PCCA: variants seen among roughly 807,000 people sequenced by gnomAD.
PCCA encodes propionyl-CoA carboxylase alpha chain, mitochondrial.
In PCCA, 74 loss-of-function variants were observed where a neutral mutation model predicts 101.3. The ratio of observed to expected loss-of-function variants is 0.73; its 90% CI spans 0.61 to 0.89. The LOEUF (loss-of-function observed/expected upper bound fraction) is 0.89, where lower values mean the gene tolerates loss of function less well. Ranked by LOEUF, PCCA falls within the 40% of genes least tolerant of loss-of-function variation. The pLI is 0.00. For synonymous variants in PCCA, 294 were observed against 313.6 expected, an observed-to-expected ratio of 0.94 and a Z score of 0.66; for missense variants, 891 against 907.0, an observed-to-expected ratio of 0.98 and a Z score of 0.23.
chr13:100,374,881 A>T lies in PCCA; in HGVS notation c.1746+6307A>T, dbSNP rs1254288013. Among the ~76,000 whole-genome samples, 3 of 152,180 alleles carry T rather than the reference A, an allele frequency of 2.0e-5. No individual in the cohort carries two copies. In the East Asian group the frequency reaches 5.8e-4, roughly 29 times the overall value. On this transcript the variant is annotated intron_variant, in intron 19 of 23. Transcript: ENST00000376285. ...CTCTGTCTCCTTCAGTTCGGCTCTG[A>T]TCTTAGTTATTTCTTGTCTTCTGCT...
At chr13:100,426,797 CATATT>C (rs1399594018) in intron 20 of PCCA, among the ~76,000 whole-genome samples, 2 of 151,720 alleles carry the variant, frequency 1.3e-5, no homozygotes, top group African/African-American at 4.8e-5. Context: ...TAACTTAACT[CATATT>C]ATATAACTTT....
chr13:100,491,042 T>C (rs1367808543), intron 21 of PCCA: 1 of 152,266 alleles, frequency 6.6e-6, no homozygotes, highest in African/African-American at 2.4e-5. Context: ...TTTGCATTTG[T>C]AAAAAGTTCC....
intron 4 of PCCA, among the ~76,000 whole-genome samples, chr13:100,132,439 C>G (rs1594271077): frequency 6.6e-6 from 1 of 152,106 alleles, no homozygotes; most frequent in East Asian, 1.9e-4. Flanking sequence ...TGGCTACTTT[C>G]ACTCAGAATA....
intron 20 of PCCA, among the ~76,000 whole-genome samples, chr13:100,436,128 C>T (rs1283297206): frequency 1.3e-5 from 2 of 152,014 alleles, no homozygotes; most frequent in South Asian, 2.1e-4. Flanking sequence ...GGCTCAAGGG[C>T]CCGGATACCG....
rs1467386312 is a variant in PCCA at position 100,126,159 on chromosome 13, C to G, written c.300+14098C>G. On this transcript the variant is annotated intron_variant, in intron 4 of 23. Coordinates refer to ENST00000376285, the MANE Select transcript of PCCA (RefSeq NM_000282.4). ...TAAAAAACACAATCATTGCCAAATT[C>G]AATATGTATATGAGCTGAATTCAGC... Among the ~76,000 whole-genome samples the G allele has an allele frequency of 2.6e-5, 4 of 152,256 alleles. No individual in the cohort carries two copies. In the East Asian group the frequency reaches 5.8e-4, roughly 22 times the overall value.
At chr13:100,427,534 T>A (rs2152896758) in intron 20 of PCCA, among the ~76,000 whole-genome samples, 1 of 151,904 alleles carries the variant, frequency 6.6e-6, no homozygotes, top group East Asian at 1.9e-4. Context: ...AGTGTAGGGA[T>A]CATGTTCGGT....
At chr13:100,441,996 T>C (rs537699800) in intron 20 of PCCA, among the ~76,000 whole-genome samples, 56 of 138,392 alleles carry the variant, frequency 4.0e-4, no homozygotes, top group Non-Finnish European at 4.9e-4. Context: ...TTTCTTTTTT[T>C]TTTTTTTTTA....
At chr13:100,433,832 A>G (rs1235712147) in intron 20 of PCCA, among the ~76,000 whole-genome samples, 3 of 152,218 alleles carry the variant, frequency 2.0e-5, no homozygotes, top group African/African-American at 7.2e-5. Context: ...CACTCCTATA[A>G]CAAAAGACAG....
chr13:100,229,620 G>A (rs1043374174), intron 7 of PCCA, among the ~76,000 whole-genome samples: 4 of 151,994 alleles, frequency 2.6e-5, no homozygotes, highest in Non-Finnish European at 5.9e-5. Context: ...CTCCTCTGCC[G>A]TTGCCTCTTT....
chr13:100,435,419 A>T (rs899133822), intron 20 of PCCA, among the ~76,000 whole-genome samples: 1 of 152,208 alleles, frequency 6.6e-6, no homozygotes, highest in African/African-American at 2.4e-5. Context: ...CATCCAAACC[A>T]TATTAAGGAG....
chr13:100,252,856 C>T lies in PCCA; in HGVS notation c.638-4739C>T, dbSNP rs577890811. 2.6e-5 allele frequency among the ~76,000 whole-genome samples: 4 copies of T among 152,270 alleles called. No homozygotes were observed. The South Asian group carries it at 8.3e-4, about 32-fold the overall frequency. On this transcript the variant is annotated intron_variant, in intron 8 of 23. Coordinates refer to ENST00000376285, the MANE Select transcript of PCCA (RefSeq NM_000282.4). ...CTTCCTCATCAGCTCCTTGTTTCTA[C>T]CTTTGCCCTTTCACCATTCATTCAT... is the stretch of plus-strand genomic sequence containing the variant.
chr13:100,496,444 T>A (rs2085283097), intron 21 of PCCA, among the ~76,000 whole-genome samples: 1 of 152,072 alleles, frequency 6.6e-6, no homozygotes, highest in Non-Finnish European at 1.5e-5. Context: ...CAATTTGGAT[T>A]CATTTGGTGT....
chr13:100,520,504 G>GT (rs1422272806), intron 22 of PCCA, among the ~76,000 whole-genome samples: 2 of 151,546 alleles, frequency 1.3e-5, no homozygotes, highest in African/African-American at 2.4e-5. Context: ...GCGCAGTGGC[G>GT]GGCGCCTGTA....
At chr13:100,273,770 C>T (rs2063464246) in intron 12 of PCCA, among the ~76,000 whole-genome samples, 1 of 152,166 alleles carries the variant, frequency 6.6e-6, no homozygotes, top group South Asian at 2.1e-4. Flanking sequence ...CTCAGCCAGG[C>T]TCCCAGAGGA....
At chr13:100,403,805 C>A (rs1474970785) in intron 19 of PCCA, among the ~76,000 whole-genome samples, 1 of 152,046 alleles carries the variant, frequency 6.6e-6, no homozygotes, top group African/African-American at 2.4e-5. Context: ...ATGTTTGGTT[C>A]CACACAGGAA....
intron 14 of PCCA, chr13:100,305,814 A>G (rs2066399997): frequency 2.2e-6 from 1 of 450,338 alleles, no homozygotes; most frequent in Non-Finnish European, 4.6e-6. Flanking sequence ...TTTTCAGAAA[A>G]TAGAAAGCCA....
Position 100,520,567 on chromosome 13 carries a change from G to A in PCCA, c.2040+5000G>A, listed in dbSNP as rs1035882958. ...GGAGAATGGCGTGAACCCGGAAGGCGGAGCTTGCAGTGAGCGGAGATCGCG... is the reference window on the plus strand; with the variant it reads ...GGAGAATGGCGTGAACCCGGAAGGCAGAGCTTGCAGTGAGCGGAGATCGCG... On this transcript the variant is annotated intron_variant, in intron 22 of 23. Transcript: ENST00000376285. Among the ~76,000 whole-genome samples the A allele has an allele frequency of 1.1e-3, 158 of 150,234 alleles. 1 individual carries two copies. Among genetic ancestry groups the A allele is most frequent in the African/African-American group, 3.5e-3 (141 of 40,608 alleles).
At chr13:100,133,580 TTG>T (rs2050782539) in intron 4 of PCCA, among the ~76,000 whole-genome samples, 1 of 152,216 alleles carries the variant, frequency 6.6e-6, no homozygotes, top group Admixed American at 6.5e-5. Flanking sequence ...GTCGGTTTTT[TTG>T]TTTTTTGTTT....
intron 2 of PCCA, among the ~76,000 whole-genome samples, chr13:100,110,291 T>C (rs2048192138): frequency 6.6e-6 from 1 of 152,246 alleles, no homozygotes; most frequent in African/African-American, 2.4e-5. Context: ...AATTACCGTG[T>C]GCTAATGTGT....
Sources: allele counts gnomAD v4.1 joint callset (sites outside exome capture counted in the v4.1 genomes callset), GRCh38; gene constraint gnomAD v4.1.1; transcripts MANE v1.5; gene names NCBI Gene and HGNC (gene_info 2026-07-23, HGNC 2026-07-21).